HEG1: variants seen among roughly 807,000 people sequenced by gnomAD.
HEG1 encodes the protein heart development protein with EGF like domains 1.
Under a neutral mutation model 125.6 loss-of-function variants are expected in HEG1, and 56 were observed. That is an observed-to-expected ratio of 0.45 (90% CI 0.36 to 0.56). The LOEUF (loss-of-function observed/expected upper bound fraction) is 0.56, where lower values mean the gene tolerates loss of function less well. Among genes scored for constraint, HEG1 ranks in the 20% least tolerant of loss-of-function variants. The pLI, the probability that HEG1 is intolerant of heterozygous loss-of-function variation, is 0.00. For synonymous variants in HEG1, 644 were observed against 668.5 expected (o/e 0.96, Z 0.57); for missense variants, 1,523 against 1,670.0 (o/e 0.91, Z 1.53).
chr3:125,053,647 G>A (rs1263890144), intron 1 of HEG1, among the ~76,000 whole-genome samples: 1 of 152,128 alleles, frequency 6.6e-6, no homozygotes, highest in Non-Finnish European at 1.5e-5. Flanking sequence ...GCTGCTTTCT[G>A]GGATTCTCAC....
rs1273016342 is a variant in HEG1 at position 125,027,365 on chromosome 3, T to C, written c.753A>G (p.Gln251=). The C allele has an allele frequency of 6.2e-7, 1 of 1,613,920 alleles. No homozygotes were observed. The highest frequency in any genetic ancestry group is 1.3e-5 in the African/African-American group (1 of 74,928). Residue 251 remains glutamine (Q), a synonymous_variant, in exon 3 of 17, where the codon CAA becomes CAG. Transcript: ENST00000311127. ...GGCTCCAAGCCGAAGTGGTGGCCTC[T>C]TGGCTGTGCACAGTCCATTCTTCTG... ...GLSEEWTVHS[Q]EATTSAWSPS...
intron 12 of HEG1, among the ~76,000 whole-genome samples, chr3:124,992,548 C>G (rs550087072): frequency 3.3e-4 from 50 of 151,716 alleles, no homozygotes; most frequent in East Asian, 1.6e-3. Context: ...GGCAGACGTG[C>G]TAATGGTGGG....
chr3:125,036,209 C>CAAAAA (rs10658772), intron 1 of HEG1, among the ~76,000 whole-genome samples: 78 of 70,530 alleles, frequency 1.1e-3, no homozygotes, highest in African/African-American at 2.2e-3. Flanking sequence ...GACCCTGTCT[C>CAAAAA]AAAAAAAAAA....
intron 1 of HEG1, among the ~76,000 whole-genome samples, chr3:125,053,801 A>G (rs897668694): frequency 2.0e-5 from 3 of 152,182 alleles, no homozygotes; most frequent in African/African-American, 4.8e-5. Context: ...TAAGGCCCCA[A>G]TTCTTACCAG....
At chr3:125,021,291 G>C (rs182749706) in intron 3 of HEG1, among the ~76,000 whole-genome samples, 161 bp from the exon 4 acceptor site, 3 of 152,006 alleles carry the variant, frequency 2.0e-5, no homozygotes, top group African/African-American at 7.2e-5. Flanking sequence ...ATGCTACCAG[G>C]ACACATGCCT....
intron 5 of HEG1, among the ~76,000 whole-genome samples, chr3:125,016,314 A>C (rs7642253): frequency 0.49 from 74,606 of 151,966 alleles, 18,786 homozygotes; most frequent in Middle Eastern, 0.64. Flanking sequence ...GAAAAAGATA[A>C]AGTATTGTGT....
intron 12 of HEG1, among the ~76,000 whole-genome samples, chr3:124,995,108 C>T (rs1303396616): frequency 6.6e-6 from 1 of 151,994 alleles, no homozygotes; most frequent in African/African-American, 2.4e-5. Flanking sequence ...AGACCAGACT[C>T]GGCAACATGG....
rs939560948 is a variant in HEG1, at chr3:124,967,178, T to C, written c.*3474A>G. On this transcript the variant is annotated 3_prime_UTR_variant, in exon 17 of 17. Transcript: ENST00000311127. ...TCAGCGTTTAAGACATTCCACTGAA[T>C]ATGTTCCCAATTCTGAAAACAGTTC... 4 of 152,238 alleles carry C rather than the reference T, an allele frequency of 2.6e-5. No homozygotes were observed. Among genetic ancestry groups the C allele is most frequent in the African/African-American group, 9.6e-5 (4 of 41,460 alleles). The allele number at this position is 152,238 out of a possible 1,614,324, so 9.4% of individuals were successfully genotyped here. A position where few individuals can be genotyped will look rare whatever the true frequency, so the allele number is the denominator to read the frequency against.
At chr3:125,021,604 G>C (rs923772621) in intron 3 of HEG1, among the ~76,000 whole-genome samples, 1 of 152,192 alleles carries the variant, frequency 6.6e-6, no homozygotes, top group Non-Finnish European at 1.5e-5. Context: ...CCCCACCCCA[G>C]GTCACTGTTG....
rs1321001327 is a variant in HEG1 at position 124,968,237 on chromosome 3, G to A, written c.*2415C>T. On this transcript the variant is annotated 3_prime_UTR_variant, in exon 17 of 17. Coordinates refer to ENST00000311127, the MANE Select transcript of HEG1 (RefSeq NM_020733.2). The stretch of plus-strand genomic sequence containing the variant: ...TCGGCCTAGGCGGGACCCTTCTGCA[G>A]CTAGGAACCCCGTGCAGGAGTGCAG... 4 of 152,352 alleles carry A rather than the reference G, an allele frequency of 2.6e-5. No homozygotes were observed. Among genetic ancestry groups the A allele is most frequent in the African/African-American group, 9.7e-5 (4 of 41,432 alleles). 9.4% of individuals were successfully genotyped at this position (152,352 alleles called of 1,614,324 possible).
intron 9 of HEG1, among the ~76,000 whole-genome samples, chr3:125,004,308 A>G (rs1396586185): frequency 6.6e-6 from 1 of 152,222 alleles, no homozygotes; most frequent in Admixed American, 6.5e-5. Flanking sequence ...AAATCAATTC[A>G]TCTCTAAAGT....
In HEG1 at chr3:125,029,286, G is replaced by T; in HGVS notation, c.519C>A (p.Ser173Arg). ...LAETADARGR[S>R]GSSSRTNFTI... ...TGAAGTTTGTTCTACTTGAAGAGCC[G>T]CTCCTTCCTCTAGCATCTGCTGTTT... The change falls in exon 2 of 17, where the codon AGC (serine) becomes AGA (arginine). Residue 173 changes from serine to arginine, a missense_variant. Physicochemically the swap from Ser to Arg is moderately radical, Grantham distance 110. Transcript: ENST00000311127. 1 of 1,613,806 alleles carries T rather than the reference G, an allele frequency of 6.2e-7. No individual in the cohort carries two copies. Among genetic ancestry groups the T allele is most frequent in the South Asian group, 1.1e-5 (1 of 91,050 alleles).
At chr3:124,998,089 G>A (rs899973515) in intron 11 of HEG1, among the ~76,000 whole-genome samples, 2 of 152,196 alleles carry the variant, frequency 1.3e-5, no homozygotes, top group African/African-American at 4.8e-5. Context: ...CGGACCCACT[G>A]AGAAACGAAA....
At chr3:125,023,588 TA>T (rs544021552) in intron 3 of HEG1, among the ~76,000 whole-genome samples, 13 of 152,294 alleles carry the variant, frequency 8.5e-5, no homozygotes, top group Non-Finnish European at 1.8e-4. Flanking sequence ...TGACTCTTCG[TA>T]AAAAGAGAAA....
At chr3:125,015,328 G>A (rs1937228813) in intron 5 of HEG1, among the ~76,000 whole-genome samples, 1 of 152,226 alleles carries the variant, frequency 6.6e-6, no homozygotes, top group Non-Finnish European at 1.5e-5. Flanking sequence ...GGTAGTGGTG[G>A]TGAGGAGGTA....
At chr3:125,016,984 G>A (rs1050453757) in intron 5 of HEG1, among the ~76,000 whole-genome samples, 10 of 151,678 alleles carry the variant, frequency 6.6e-5, no homozygotes, top group Non-Finnish European at 1.0e-4. Context: ...AAAGAGAAAA[G>A]ACAACCCACA....
chr3:125,027,030 T>C (rs564420585), intron 3 of HEG1, among the ~76,000 whole-genome samples, 175 bp downstream of exon 3: 3 of 152,262 alleles, frequency 2.0e-5, no homozygotes, highest in Middle Eastern at 3.4e-3. Context: ...TGAGATAAAC[T>C]GGGTAGGTTG....
At position 125,013,033 on chromosome 3, in the gene HEG1, G is replaced by A; in HGVS notation, c.2546C>T (p.Thr849Ile). ...SPTFTTTILKTSQPLMTTPGT... is the reference protein window; with the variant it reads ...SPTFTTTILKISQPLMTTPGT... ...AGGAGTGGTCATAAGAGGCTGAGAG[G>A]TCTTCAGAATGGTAGTTGTGAAAGT... Residue 849 changes from threonine (T) to isoleucine (I), a missense_variant, in exon 6 of 17, where the codon ACC (threonine) becomes ATC (isoleucine). Transcript: ENST00000311127. 1.2e-6 allele frequency: 2 copies of A among 1,614,014 alleles called. No homozygotes were observed. The highest frequency in any genetic ancestry group is 1.7e-6 in the Non-Finnish European group (2 of 1,179,896).
intron 5 of HEG1, among the ~76,000 whole-genome samples, chr3:125,018,473 C>G (rs1265648025): frequency 2.0e-5 from 3 of 152,140 alleles, no homozygotes; most frequent in Non-Finnish European, 4.4e-5. Context: ...TTTGTGACTA[C>G]ACTAAAAATC....
Sources: gnomAD v4.1 joint callset for allele counts (sites outside exome capture counted in the v4.1 genomes callset) on GRCh38, gnomAD v4.1.1 for gene constraint, MANE v1.5 for transcripts, NCBI Gene and HGNC (gene_info 2026-07-23, HGNC 2026-07-21) for gene names.